Variants in BAG4 observed in about 807,000 individuals in gnomAD.
The protein encoded by BAG4 is BAG family molecular chaperone regulator 4.
In BAG4, 28 loss-of-function variants were observed where a neutral mutation model predicts 52.1. That is an observed-to-expected ratio of 0.54 (90% CI 0.40 to 0.74). BAG4 has a LOEUF of 0.74. BAG4 is among the 30% of genes least tolerant of loss of function. The pLI is 0.00. For synonymous variants in BAG4, 208 were observed against 217.0 expected (o/e 0.96, Z 0.37); for missense variants, 525 against 572.0 (o/e 0.92, Z 0.84).
rs1173322707 is a variant in BAG4, at chr8:38,177,005, C to T, written c.136C>T (p.Pro46Ser). The T allele has an allele frequency of 6.2e-6, 10 of 1,601,628 alleles. No homozygotes were observed. Among genetic ancestry groups the T allele is most frequent in the Admixed American group, 1.7e-5 (1 of 58,068 alleles). ...LYPLRPEPPQ[P>S]PISWRVRGGG... ...TCCTCTTCGCCCTGAACCTCCCCAGCCTCCCATTTCCTGGCGGGTGCGCGG... is the reference window on the plus strand; with the variant it reads ...TCCTCTTCGCCCTGAACCTCCCCAGTCTCCCATTTCCTGGCGGGTGCGCGG... Residue 46 changes from proline to serine, a missense_variant, in exon 1 of 5, where the codon CCT (proline) becomes TCT (serine). Around this residue, in one of 2 missense-constraint regions of BAG4, gnomAD observed 287 missense variants for 266.1 expected, o/e 1.08. Coordinates refer to ENST00000287322, the MANE Select transcript of BAG4 (RefSeq NM_004874.4).
At chr8:38,191,156 C>G (rs973216927) in intron 1 of BAG4, among the ~76,000 whole-genome samples, 3 of 152,116 alleles carry the variant, frequency 2.0e-5, no homozygotes, top group Non-Finnish European at 2.9e-5. Context: ...TTTCATTATT[C>G]TTATATCTGT....
chr8:38,185,852 C>T (rs1002952606), intron 1 of BAG4, among the ~76,000 whole-genome samples: 1 of 152,038 alleles, frequency 6.6e-6, no homozygotes, highest in Non-Finnish European at 1.5e-5. Flanking sequence ...TGTGAGCCAC[C>T]GCGCCTGGCC....
intron 1 of BAG4, among the ~76,000 whole-genome samples, chr8:38,183,008 C>CACA (rs753951562): frequency 2.1e-5 from 3 of 145,968 alleles, no homozygotes; most frequent in Non-Finnish European, 4.5e-5. Flanking sequence ...CCACCACCAC[C>CACA]ACAACTGAGC....
chr8:38,181,392 C>T (rs972740611), intron 1 of BAG4, among the ~76,000 whole-genome samples: 4 of 152,012 alleles, frequency 2.6e-5, no homozygotes, highest in Admixed American at 1.3e-4. Flanking sequence ...CGCCACCATG[C>T]CCGACTACTT....
intron 2 of BAG4, among the ~76,000 whole-genome samples, chr8:38,200,120 C>T (rs1029109980): frequency 6.6e-6 from 1 of 151,776 alleles, no homozygotes; most frequent in Non-Finnish European, 1.5e-5. Context: ...ATTCTTGCCT[C>T]AGCCTCCCGA....
At position 38,210,626 on chromosome 8, in the gene BAG4, T is replaced by C; in HGVS notation, c.*133T>C. 1 of 1,210,244 alleles carries C rather than the reference T, an allele frequency of 8.3e-7. No homozygotes were observed. Among genetic ancestry groups the C allele is most frequent in the Non-Finnish European group, 1.1e-6 (1 of 899,546 alleles). The allele number at this position is 1,210,244 out of a possible 1,614,324, so 75.0% of individuals were successfully genotyped here. ...TTCCAGCTTTCCTTTGATTTTATACTTGAAAAACTGGCAAAGGAATGGAAG... is the reference window on the plus strand; with the variant it reads ...TTCCAGCTTTCCTTTGATTTTATACCTGAAAAACTGGCAAAGGAATGGAAG... On this transcript the variant is annotated 3_prime_UTR_variant, in exon 5 of 5. Coordinates refer to ENST00000287322, the MANE Select transcript of BAG4 (RefSeq NM_004874.4).
intron 3 of BAG4, 109 bp from the exon 4 acceptor site, chr8:38,208,904 A>G (rs940090449): frequency 1.6e-6 from 2 of 1,285,636 alleles, no homozygotes; most frequent in African/African-American, 3.0e-5. Flanking sequence ...GTAGCAGCTA[A>G]TGTATACTCT....
At chr8:38,193,447 G>A (rs888055566) in intron 2 of BAG4, among the ~76,000 whole-genome samples, 34 of 151,706 alleles carry the variant, frequency 2.2e-4, no homozygotes, top group African/African-American at 7.5e-4. Flanking sequence ...AAAACCCCAC[G>A]AAAATCTAGC....
At chr8:38,194,847 G>GTT (rs533901451) in intron 2 of BAG4, among the ~76,000 whole-genome samples, 74 of 116,472 alleles carry the variant, frequency 6.4e-4, no homozygotes, top group Non-Finnish European at 7.2e-4. Flanking sequence ...GTTTTTTTTT[G>GTT]TTTTTTTTTT....
chr8:38,201,881 T>TATATA (rs1377664608), intron 2 of BAG4: 1 of 3,834 alleles, frequency 2.6e-4, no homozygotes, highest in South Asian at 0.019. Flanking sequence ...TATATATATA[T>TATATA]TTTTTTTTTT....
At chr8:38,203,363 A>G (rs1018574374) in intron 2 of BAG4, among the ~76,000 whole-genome samples, 9 of 150,680 alleles carry the variant, frequency 6.0e-5, no homozygotes, top group Admixed American at 1.3e-4. Context: ...GCTCACTGCA[A>G]GCTCCGCCTC....
chr8:38,205,717 C>A (rs7836805), intron 2 of BAG4, among the ~76,000 whole-genome samples: 36,361 of 151,880 alleles, frequency 0.24, 4,517 homozygotes, highest in East Asian at 0.31. Context: ...GTTTATTATA[C>A]CTCATCCTGC....
At chr8:38,188,612 T>G (rs1803409318) in intron 1 of BAG4, among the ~76,000 whole-genome samples, 1 of 149,546 alleles carries the variant, frequency 6.7e-6, no homozygotes, top group South Asian at 2.1e-4. Context: ...TGTATACATA[T>G]ATATACATGT....
At chr8:38,182,510 T>C (rs953177503) in intron 1 of BAG4, among the ~76,000 whole-genome samples, 1 of 152,258 alleles carries the variant, frequency 6.6e-6, no homozygotes, top group Non-Finnish European at 1.5e-5. Flanking sequence ...TTATCTTGCA[T>C]AATTTTAATC....
intron 2 of BAG4, among the ~76,000 whole-genome samples, chr8:38,205,202 A>ATTTTTTTTTTT (rs35284937): frequency 2.5e-5 from 2 of 79,318 alleles, no homozygotes; most frequent in African/African-American, 4.8e-5. Flanking sequence ...CAGCTAATTA[A>ATTTTTTTTTTT]TTTTTTTTTT....
Position 38,209,142 on chromosome 8 carries a change from T to C in BAG4, c.763T>C (p.Tyr255His). 1 of 1,614,122 alleles carries C rather than the reference T, an allele frequency of 6.2e-7. No individual in the cohort carries two copies. The highest frequency in any genetic ancestry group is 1.6e-4 in the Middle Eastern group (1 of 6,062). Reference sequence around the variant, plus strand: ...TGGTGCTTATGGAATGGGTGGCCGTTATCCCTGGCCTTCATCAGCGCCCTC... The same window carrying C: ...TGGTGCTTATGGAATGGGTGGCCGTCATCCCTGGCCTTCATCAGCGCCCTC... The part of the protein sequence containing the change: ...SPGAYGMGGR[Y>H]PWPSSAPSAP... Residue 255 changes from tyrosine to histidine, a missense_variant, in exon 4 of 5, where the codon TAT becomes CAT. By Grantham distance (83) the Tyr-to-His change is moderately conservative. Transcript: ENST00000287322.
chr8:38,209,376 A>T, intron 4 of BAG4, 109 bp downstream of exon 4: 1 of 1,454,540 alleles, frequency 6.9e-7, no homozygotes, highest in South Asian at 1.4e-5. Context: ...AATTACAAAA[A>T]GTTGGTGACT....
intron 2 of BAG4, among the ~76,000 whole-genome samples, chr8:38,194,944 TCCC>T (rs1336292780): frequency 7.1e-6 from 1 of 141,672 alleles, no homozygotes; most frequent in Non-Finnish European, 1.5e-5. Context: ...AAGCTCTGCC[TCCC>T]GGGTTCACGC....
At chr8:38,185,614 G>T (rs1452642295) in intron 1 of BAG4, among the ~76,000 whole-genome samples, 1 of 152,122 alleles carries the variant, frequency 6.6e-6, no homozygotes. Flanking sequence ...GGAGTACAAT[G>T]GCGCCATCTT....
Sources: allele counts gnomAD v4.1 joint callset (sites outside exome capture counted in the v4.1 genomes callset), GRCh38; gene constraint gnomAD v4.1.1; regional missense constraint gnomAD v4.1.1; transcripts MANE v1.5; gene names NCBI Gene and HGNC (gene_info 2026-07-23, HGNC 2026-07-21).